KIAA0930: variants seen among roughly 807,000 people sequenced by gnomAD.
The protein encoded by KIAA0930 is KIAA0930, also known as uncharacterized protein KIAA0930.
In KIAA0930, 24 loss-of-function variants were observed where a neutral mutation model predicts 43.9. That is an observed-to-expected ratio of 0.55 (90% confidence interval 0.40 to 0.77). The LOEUF is 0.77. KIAA0930 is among the 30% of genes least tolerant of loss of function. The probability of loss-of-function intolerance (pLI) is 0.00; values close to 1 mark genes in which losing one functional copy is unlikely to be tolerated. For missense variants in KIAA0930, 461 were observed against 574.2 expected (o/e 0.80, Z 2.02); for synonymous variants, 259 against 216.4 (o/e 1.20, Z -1.73).
intron 6 of KIAA0930, 114 bp from the exon 7 acceptor site, chr22:45,203,298 G>A (rs987566409): frequency 2.1e-5 from 22 of 1,069,700 alleles, no homozygotes; most frequent in African/African-American, 1.6e-4. Flanking sequence ...GGGGCTGCCC[G>A]GGAGGGAGCG....
At chr22:45,198,087 CCA>C (rs1181627152) in intron 8 of KIAA0930, 139 bp from the exon 9 acceptor site, 1 of 756,492 alleles carries the variant, frequency 1.3e-6, no homozygotes. Flanking sequence ...ACACCAGCAC[CCA>C]CACGCTCCAG....
intron 1 of KIAA0930, among the ~76,000 whole-genome samples, chr22:45,213,929 G>A (rs2083715524): frequency 6.6e-6 from 1 of 152,186 alleles, no homozygotes. Context: ...AAGATCACTT[G>A]AACCTGGGAG....
intron 1 of KIAA0930, among the ~76,000 whole-genome samples, chr22:45,215,792 A>AT (rs966223488): frequency 9.9e-5 from 15 of 151,786 alleles, no homozygotes; most frequent in South Asian, 4.2e-4. Flanking sequence ...TGAACACAGC[A>AT]TTTTTTTTTA....
chr22:45,215,221 AAATT>A (rs1053847416), intron 1 of KIAA0930, among the ~76,000 whole-genome samples: 39 of 152,332 alleles, frequency 2.6e-4, no homozygotes, highest in African/African-American at 8.2e-4. Context: ...CTGTCTCAAA[AAATT>A]AATTAATTTA....
At chr22:45,225,640 T>C (rs1473656035) in intron 1 of KIAA0930, among the ~76,000 whole-genome samples, 1 of 152,094 alleles carries the variant, frequency 6.6e-6, no homozygotes, top group African/African-American at 2.4e-5. Context: ...ACGGCGCCCA[T>C]TCCAACTTGG....
At chr22:45,209,782 T>C (rs887084922) in intron 2 of KIAA0930, among the ~76,000 whole-genome samples, 8 of 152,152 alleles carry the variant, frequency 5.3e-5, no homozygotes, top group African/African-American at 1.9e-4. Context: ...GGGTGTTCAA[T>C]AGAACATTCT....
At chr22:45,230,947 G>C (rs2083849383) in intron 1 of KIAA0930, among the ~76,000 whole-genome samples, 1 of 151,792 alleles carries the variant, frequency 6.6e-6, no homozygotes, top group South Asian at 2.1e-4. Flanking sequence ...ACCTAGCATA[G>C]AAAATAAACA....
intron 1 of KIAA0930, among the ~76,000 whole-genome samples, chr22:45,230,707 G>C (rs1458566066): frequency 6.6e-6 from 1 of 150,928 alleles, no homozygotes; most frequent in Non-Finnish European, 1.5e-5. Context: ...TCAGCCTCTT[G>C]AGTAGCTGGG....
chr22:45,224,397 G>A (rs1490246637), intron 1 of KIAA0930, among the ~76,000 whole-genome samples: 1 of 152,190 alleles, frequency 6.6e-6, no homozygotes, highest in Non-Finnish European at 1.5e-5. Flanking sequence ...TACACCCAGG[G>A]CTGCCTGTGT....
intron 1 of KIAA0930, among the ~76,000 whole-genome samples, chr22:45,227,696 G>A (rs1388072747): frequency 6.6e-6 from 1 of 152,180 alleles, no homozygotes; most frequent in Non-Finnish European, 1.5e-5. Context: ...GACTGCAGTG[G>A]TTCTGGCTCC....
intron 1 of KIAA0930, among the ~76,000 whole-genome samples, chr22:45,230,577 ATTCTT>A (rs990935196): frequency 1.4e-5 from 2 of 137,982 alleles, no homozygotes; most frequent in African/African-American, 5.9e-5. Context: ...CCCAGATCAC[ATTCTT>A]TTTTTTTTTT....
At chr22:45,213,144 G>A (rs2083709043) in intron 1 of KIAA0930, among the ~76,000 whole-genome samples, 2 of 152,108 alleles carry the variant, frequency 1.3e-5, no homozygotes, top group South Asian at 2.1e-4. Context: ...CAGGCCAGTG[G>A]GCTGACCAGG....
intron 7 of KIAA0930, among the ~76,000 whole-genome samples, chr22:45,202,000 T>C (rs945104234): frequency 6.6e-6 from 1 of 152,164 alleles, no homozygotes; most frequent in Non-Finnish European, 1.5e-5. Context: ...TCCCAAATAC[T>C]GAAGGAGCAG....
intron 8 of KIAA0930, 22 bp downstream of exon 8, chr22:45,199,851 A>G: frequency 1.3e-6 from 2 of 1,536,984 alleles, no homozygotes; most frequent in East Asian, 4.8e-5. Context: ...CGGGGACCCT[A>G]GGGCACGGAG....
chr22:45,238,387 G>T (rs9615079), intron 1 of KIAA0930, among the ~76,000 whole-genome samples: 5,368 of 152,270 alleles, frequency 0.035, 128 homozygotes, highest in African/African-American at 0.056. Context: ...ATCAGACTGG[G>T]TAATGCCTTT....
intron 1 of KIAA0930, among the ~76,000 whole-genome samples, chr22:45,223,031 A>G (rs987595693): frequency 6.6e-6 from 1 of 152,214 alleles, no homozygotes; most frequent in Non-Finnish European, 1.5e-5. Context: ...AACGCATTTT[A>G]CCTCTGACCC....
At chr22:45,234,773 C>G (rs1261797637) in intron 1 of KIAA0930, among the ~76,000 whole-genome samples, 1 of 152,198 alleles carries the variant, frequency 6.6e-6, no homozygotes, top group African/African-American at 2.4e-5. Context: ...ACCCAACTCT[C>G]GAGCAGGCAT....
At chr22:45,200,930 C>T in intron 7 of KIAA0930, 1 of 486,236 alleles carries the variant, frequency 2.1e-6, no homozygotes, top group South Asian at 1.5e-5. Flanking sequence ...GGAGCTGGGT[C>T]TTGAAGGACG....
chr22:45,219,492 T>TA (rs1219192119), intron 1 of KIAA0930, among the ~76,000 whole-genome samples: 1 of 150,678 alleles, frequency 6.6e-6, no homozygotes, highest in Non-Finnish European at 1.5e-5. Context: ...TTATAGCCAT[T>TA]AAAAATGATG....
Sources: allele counts gnomAD v4.1 joint callset (sites outside exome capture counted in the v4.1 genomes callset), GRCh38; gene constraint gnomAD v4.1.1; transcripts MANE v1.5; gene names NCBI Gene and HGNC (gene_info 2026-07-23, HGNC 2026-07-21).